The following RNF144A variants were observed in gnomAD, a reference collection of about 807,000 sequenced individuals.
RNF144A encodes ring finger protein 144A.
A neutral mutation model predicts 38.7 loss-of-function variants in RNF144A; 11 were observed. The ratio of observed to expected loss-of-function variants is 0.28; its 90% CI spans 0.18 to 0.47. The LOEUF is 0.47. RNF144A is among the 20% of genes least tolerant of loss of function. The pLI is 0.99. For synonymous variants in RNF144A, 149 were observed against 143.9 expected (o/e 1.04, Z -0.25); for missense variants, 316 against 377.2 (o/e 0.84, Z 1.34).
chr2:6,919,888 A>G (rs983609444), intron 1 of RNF144A, among the ~76,000 whole-genome samples: 2 of 152,256 alleles, frequency 1.3e-5, no homozygotes, highest in Non-Finnish European at 2.9e-5. Flanking sequence ...CATCTGTGCC[A>G]TGAGGATTTG....
rs1380399733 is a variant in RNF144A, at chr2:7,043,643, C to A, written c.*3883C>A. ...GTATTACCAAAAACACCAAAAGGAA[C>A]AAAGGGGCCTGCGTTAAAACCTAAT... On this transcript the variant is annotated 3_prime_UTR_variant, in exon 9 of 9. Coordinates refer to ENST00000320892, the MANE Select transcript of RNF144A (RefSeq NM_014746.6). 1 of 985,800 alleles carries A rather than the reference C, an allele frequency of 1.0e-6. No homozygotes were observed. The highest frequency in any genetic ancestry group is 1.2e-6 in the Non-Finnish European group (1 of 829,918). The allele number at this position is 985,800 out of a possible 1,614,324, so 61.1% of individuals were successfully genotyped here. A position where few individuals can be genotyped will look rare whatever the true frequency, so the allele number is the denominator to read the frequency against.
chr2:6,934,322 C>T (rs971769075), intron 1 of RNF144A, among the ~76,000 whole-genome samples: 4 of 152,244 alleles, frequency 2.6e-5, no homozygotes, highest in African/African-American at 9.6e-5. Context: ...TGAACCTGTT[C>T]ACATTCTTTA....
intron 6 of RNF144A, among the ~76,000 whole-genome samples, chr2:7,055,975 C>T (rs931337084): frequency 6.6e-6 from 1 of 152,140 alleles, no homozygotes; most frequent in Non-Finnish European, 1.5e-5. Context: ...AGTGAGGGTC[C>T]TTATGGAGCC....
At chr2:6,996,174 G>T (rs1372873901) in intron 2 of RNF144A, among the ~76,000 whole-genome samples, 2 of 152,148 alleles carry the variant, frequency 1.3e-5, no homozygotes, top group Non-Finnish European at 2.9e-5. Context: ...GAAAACTCAA[G>T]CCTCACCACC....
chr2:6,924,022 C>T (rs1471649343), intron 1 of RNF144A, among the ~76,000 whole-genome samples: 2 of 152,170 alleles, frequency 1.3e-5, no homozygotes, highest in Non-Finnish European at 2.9e-5. Flanking sequence ...AAGCCTGGAA[C>T]AGATTATGAA....
chr2:6,927,905 T>C (rs1572198441), intron 1 of RNF144A, among the ~76,000 whole-genome samples: 1 of 152,028 alleles, frequency 6.6e-6, no homozygotes, highest in Admixed American at 6.5e-5. Context: ...CTTGGAGAGG[T>C]GTGTTTCTTT....
chr2:6,928,473 C>T (rs2103276225), intron 1 of RNF144A, among the ~76,000 whole-genome samples: 1 of 152,136 alleles, frequency 6.6e-6, no homozygotes, highest in African/African-American at 2.4e-5. Context: ...TGAGAGAAGC[C>T]TCTCCCATAC....
At chr2:6,953,827 G>A (rs1666834599) in intron 2 of RNF144A, among the ~76,000 whole-genome samples, 1 of 152,162 alleles carries the variant, frequency 6.6e-6, no homozygotes, top group Non-Finnish European at 1.5e-5. Context: ...CCATTTTAAA[G>A]TCATATATAA....
At chr2:6,997,921 T>G (rs997305714) in intron 3 of RNF144A, among the ~76,000 whole-genome samples, 2 of 152,174 alleles carry the variant, frequency 1.3e-5, no homozygotes, top group Non-Finnish European at 2.9e-5. Context: ...AAATTTTCTG[T>G]GAGGATAGAT....
intron 5 of RNF144A, among the ~76,000 whole-genome samples, chr2:7,018,356 A>G (rs1387750091): frequency 1.3e-5 from 2 of 152,216 alleles, no homozygotes; most frequent in Non-Finnish European, 2.9e-5. Flanking sequence ...TGGGCCTCCT[A>G]TCTCATCAGG....
chr2:6,965,510 G>C (rs918138676), intron 2 of RNF144A, among the ~76,000 whole-genome samples: 8 of 152,266 alleles, frequency 5.3e-5, no homozygotes, highest in African/African-American at 1.9e-4. Flanking sequence ...CTTCTAGAGG[G>C]AGAAGCTTTT....
chr2:6,987,751 C>T (rs183581485), intron 2 of RNF144A, among the ~76,000 whole-genome samples: 2 of 152,316 alleles, frequency 1.3e-5, no homozygotes, highest in East Asian at 3.9e-4. Flanking sequence ...GGTGCCCTTC[C>T]TCTGGCCCCT....
chr2:7,003,766 G>A (rs1411045321), intron 3 of RNF144A, among the ~76,000 whole-genome samples: 1 of 152,250 alleles, frequency 6.6e-6, no homozygotes, highest in Admixed American at 6.5e-5. Context: ...CGAGAGGGCA[G>A]CATGCTTTGC....
intron 6 of RNF144A, among the ~76,000 whole-genome samples, chr2:7,061,681 C>G (rs1020631510): frequency 3.9e-5 from 6 of 152,148 alleles, no homozygotes; most frequent in African/African-American, 1.4e-4. Context: ...AGGCTGAATG[C>G]TGAGGCCTAG....
rs1666206446 is a variant in RNF144A at position 6,944,411 on chromosome 2, T to A, written c.-12+3264T>A. 1.3e-5 allele frequency among the ~76,000 whole-genome samples: 2 copies of A among 152,108 alleles called. No individual in the cohort carries two copies. The highest frequency in any genetic ancestry group is 1.5e-5 in the Non-Finnish European group (1 of 68,008). ...GAGATCTTCCCCTCCACTTACCCGA[T>A]TGCCTACTTACCCCTTTGGTGATAC... On this transcript the variant is annotated intron_variant, in intron 2 of 8. Transcript: ENST00000320892. The surrounding 1 kb of genome is among the most constrained non-coding windows in gnomAD (Gnocchi z 4.7).
chr2:7,017,784 C>T (rs116606939), intron 5 of RNF144A, among the ~76,000 whole-genome samples: 1,798 of 152,218 alleles, frequency 0.012, 40 homozygotes, highest in African/African-American at 0.041. Context: ...TAGACATCTA[C>T]GCCTCAGCCT....
At chr2:7,026,927 A>G (rs1033338527) in intron 7 of RNF144A, among the ~76,000 whole-genome samples, 2 of 152,206 alleles carry the variant, frequency 1.3e-5, no homozygotes, top group Admixed American at 6.5e-5. Context: ...TTCTTTGTAC[A>G]TGAAGAAAAA....
At position 6,941,593 on chromosome 2, in the gene RNF144A, G is replaced by A. The variant is rs1276789865; in HGVS notation, c.-12+446G>A. ...ATGGGGGTAGGGACAGTCAGGAAGA[G>A]ACAGACAATTCTCATTTGACAGTAG... On this transcript the variant is annotated intron_variant, in intron 2 of 8. Transcript: ENST00000320892. This position sits in a 1 kb window ranked among gnomAD's most constrained non-coding sequence, Gnocchi z 6.5. Among the ~76,000 whole-genome samples the A allele has an allele frequency of 2.0e-5, 3 of 152,218 alleles. No homozygotes were observed. The highest frequency in any genetic ancestry group is 7.2e-5 in the African/African-American group (3 of 41,450).
intron 1 of RNF144A, among the ~76,000 whole-genome samples, chr2:6,920,351 G>A (rs1401064513): frequency 6.6e-6 from 1 of 152,212 alleles, no homozygotes; most frequent in Middle Eastern, 3.2e-3. Context: ...TCGTAGCTTG[G>A]AAAGGAGGGG....
Sources: allele counts gnomAD v4.1 joint callset (sites outside exome capture counted in the v4.1 genomes callset), GRCh38; gene constraint gnomAD v4.1.1; non-coding constraint Gnocchi (gnomAD v3.1); transcripts MANE v1.5; gene names NCBI Gene and HGNC (gene_info 2026-07-23, HGNC 2026-07-21).